FSTL5: variants seen among roughly 807,000 people sequenced by gnomAD.
FSTL5 encodes the protein follistatin-related protein 5.
Under a neutral mutation model 89.1 loss-of-function variants are expected in FSTL5, and 62 were observed. That is an observed-to-expected ratio of 0.70 (90% CI 0.57 to 0.86). The LOEUF is 0.86. FSTL5 is among the 40% of genes least tolerant of loss of function. FSTL5 has a pLI of 0.00. For synonymous variants in FSTL5, 383 were observed against 346.2 expected (o/e 1.11, Z -1.18); for missense variants, 1,057 against 1,001.6 (o/e 1.06, Z -0.75).
chr4:161,826,565 T>C (rs1730676122), intron 4 of FSTL5, among the ~76,000 whole-genome samples: 1 of 152,176 alleles, frequency 6.6e-6, no homozygotes, highest in African/African-American at 2.4e-5. Flanking sequence ...ATTTGGGAGT[T>C]CCAATGTTTA....
At chr4:161,667,819 G>A (rs923826310) in intron 6 of FSTL5, among the ~76,000 whole-genome samples, 3 of 151,940 alleles carry the variant, frequency 2.0e-5, no homozygotes, top group Non-Finnish European at 2.9e-5. Context: ...CATTAGAGAT[G>A]AAAAATGCAA....
intron 3 of FSTL5, among the ~76,000 whole-genome samples, chr4:162,009,524 A>G (rs540220809): frequency 6.6e-6 from 1 of 152,174 alleles, no homozygotes; most frequent in African/African-American, 2.4e-5. Context: ...TGCCACCCCA[A>G]AAAGCACTCC....
intron 4 of FSTL5, among the ~76,000 whole-genome samples, chr4:161,895,419 G>C (rs1733125431): frequency 6.6e-6 from 1 of 152,044 alleles, no homozygotes; most frequent in South Asian, 2.1e-4. Context: ...TGCAAGACTT[G>C]CCTCGCTGTT....
rs199653158 is a variant in FSTL5, at chr4:161,726,204, C to CTT, written c.727+33205_727+33206dup. The stretch of plus-strand genomic sequence containing the variant: ...TTTGGAAAAAAATTAGGATGCAACT[C>CTT]TTTTTTTTTCTTTTTTCTTTTTCTT... On this transcript the variant is annotated intron_variant, in intron 6 of 15. Transcript: ENST00000306100. Among the ~76,000 whole-genome samples, 4 of 138,600 alleles carry CTT rather than the reference C, an allele frequency of 2.9e-5. No individual in the cohort carries two copies. The Admixed American group carries it at 3.1e-4, about 11-fold the overall frequency. 90.9% of individuals were successfully genotyped at this position (138,600 alleles called of 152,430 possible).
At chr4:161,957,848 C>T (rs539408342) in intron 3 of FSTL5, among the ~76,000 whole-genome samples, 1 of 151,986 alleles carries the variant, frequency 6.6e-6, no homozygotes, top group African/African-American at 2.4e-5. Flanking sequence ...CCATATAAAG[C>T]TATCTTGATT....
intron 4 of FSTL5, among the ~76,000 whole-genome samples, chr4:161,859,456 A>G (rs570799166): frequency 6.6e-6 from 1 of 152,302 alleles, no homozygotes; most frequent in East Asian, 1.9e-4. Context: ...TTTGGTTACT[A>G]AAAGCTCTCT....
chr4:161,477,432 A>C (rs1025143483), intron 13 of FSTL5, among the ~76,000 whole-genome samples: 5 of 150,162 alleles, frequency 3.3e-5, no homozygotes. Context: ...ATTATTAATT[A>C]TTATAGTTTA....
chr4:161,808,932 A>G (rs1351661724), intron 4 of FSTL5, among the ~76,000 whole-genome samples: 4 of 152,220 alleles, frequency 2.6e-5, no homozygotes, highest in South Asian at 2.1e-4. Flanking sequence ...AGAAACGTAA[A>G]TCATGACCGG....
intron 15 of FSTL5, among the ~76,000 whole-genome samples, chr4:161,394,873 A>G (rs1481668528): frequency 6.6e-6 from 1 of 152,200 alleles, no homozygotes; most frequent in Admixed American, 6.6e-5. Flanking sequence ...TCTTCAAATT[A>G]TCTCTAAATA....
intron 6 of FSTL5, among the ~76,000 whole-genome samples, chr4:161,711,909 A>G (rs1738794522): frequency 6.6e-6 from 1 of 152,224 alleles, no homozygotes; most frequent in Non-Finnish European, 1.5e-5. Flanking sequence ...CCAAATAAGC[A>G]TCTGTCATAA....
At chr4:162,122,429 A>G (rs905371446) in intron 1 of FSTL5, among the ~76,000 whole-genome samples, 2 of 152,088 alleles carry the variant, frequency 1.3e-5, no homozygotes, top group South Asian at 4.1e-4. Flanking sequence ...CACAAACAAT[A>G]TTCTCATGAT....
intron 4 of FSTL5, among the ~76,000 whole-genome samples, chr4:161,831,521 A>G (rs1000989079): frequency 9.2e-5 from 12 of 130,050 alleles, no homozygotes. Flanking sequence ...GTTTTGTTAC[A>G]AAAAAAAGCA....
intron 7 of FSTL5, among the ~76,000 whole-genome samples, chr4:161,641,914 A>G (rs574549298): frequency 2.1e-4 from 32 of 152,206 alleles, no homozygotes; most frequent in Non-Finnish European, 4.0e-4. Context: ...CAAAATATCA[A>G]CTACCCACAA....
chr4:161,833,906 G>A (rs1461044005), intron 4 of FSTL5, among the ~76,000 whole-genome samples: 1 of 152,060 alleles, frequency 6.6e-6, no homozygotes, highest in Non-Finnish European at 1.5e-5. Flanking sequence ...TGTGATGTGT[G>A]AATTTGATCC....
At chr4:162,023,141 T>A (rs2111163514) in intron 3 of FSTL5, among the ~76,000 whole-genome samples, 1 of 152,212 alleles carries the variant, frequency 6.6e-6, no homozygotes, top group East Asian at 1.9e-4. Context: ...TACCTGATCT[T>A]TTTAGGTGAT....
At chr4:161,641,689 A>ACCGTG (rs1185988781) in intron 7 of FSTL5, among the ~76,000 whole-genome samples, 5 of 151,770 alleles carry the variant, frequency 3.3e-5, no homozygotes, top group Non-Finnish European at 1.5e-5. Context: ...ACGTGGTTTC[A>ACCGTG]CCGTGTTAGC....
chr4:162,142,113 A>G (rs1389632244), intron 1 of FSTL5, among the ~76,000 whole-genome samples: 1 of 152,096 alleles, frequency 6.6e-6, no homozygotes, highest in Non-Finnish European at 1.5e-5. Flanking sequence ...ATAAATAATT[A>G]CCCACCCAGA....
chr4:161,919,410 A>T (rs1470138), intron 4 of FSTL5, among the ~76,000 whole-genome samples: 135,745 of 152,020 alleles, frequency 0.89, 61,226 homozygotes, highest in Non-Finnish European at 0.96. Flanking sequence ...TTAAATCACG[A>T]TGGAAATAAT....
At chr4:161,546,292 T>TTATATATATA (rs142188672) in intron 8 of FSTL5, among the ~76,000 whole-genome samples, 13 of 145,588 alleles carry the variant, frequency 8.9e-5, no homozygotes, top group Non-Finnish European at 3.0e-5. Context: ...TATATACATA[T>TTATATATATA]TATATATATA....
Sources: allele counts gnomAD v4.1 joint callset (sites outside exome capture counted in the v4.1 genomes callset), GRCh38; gene constraint gnomAD v4.1.1; transcripts MANE v1.5; gene names NCBI Gene and HGNC (gene_info 2026-07-23, HGNC 2026-07-21).